The following CSMD3 variants were observed in gnomAD, a reference collection of about 807,000 sequenced individuals.
The protein encoded by CSMD3 is CUB and Sushi multiple domains 3, also known as CUB and sushi domain-containing protein 3.
In CSMD3, 177 loss-of-function variants were observed where a neutral mutation model predicts 435.2. That is an observed-to-expected ratio of 0.41 (90% CI 0.36 to 0.46). The LOEUF is 0.46. CSMD3 is among the 20% of genes least tolerant of loss of function. The probability of loss-of-function intolerance (pLI) is 0.34; values close to 1 mark genes in which losing one functional copy is unlikely to be tolerated. For missense variants in CSMD3, 4,265 were observed against 4,504.6 expected (o/e 0.95, Z 1.52); for synonymous variants, 1,656 against 1,520.5 (o/e 1.09, Z -2.07).
At chr8:113,111,280 T>C (rs1351042350) in intron 4 of CSMD3, among the ~76,000 whole-genome samples, 1 of 152,204 alleles carries the variant, frequency 6.6e-6, no homozygotes, top group African/African-American at 2.4e-5. Context: ...TTTTATAATA[T>C]GTTTACTATG....
At chr8:112,573,782 G>A (rs1829723925) in intron 23 of CSMD3, 125 bp from the exon 24 acceptor site, 1 of 724,512 alleles carries the variant, frequency 1.4e-6, no homozygotes, top group African/African-American at 1.8e-5. Context: ...ATTTCCAAAG[G>A]GCAACTAAAT....
At chr8:112,834,127 T>C (rs1026804601) in intron 11 of CSMD3, among the ~76,000 whole-genome samples, 2 of 151,938 alleles carry the variant, frequency 1.3e-5, no homozygotes, top group Non-Finnish European at 2.9e-5. Flanking sequence ...CATGCATGTA[T>C]GTATGCAACA....
chr8:112,810,927 G>A (rs1265541959), intron 12 of CSMD3, among the ~76,000 whole-genome samples: 3 of 151,950 alleles, frequency 2.0e-5, no homozygotes, highest in African/African-American at 7.2e-5. Flanking sequence ...GAAAGTATAA[G>A]CAATGTAGAT....
chr8:113,042,643 T>G (rs2087672205), intron 5 of CSMD3, among the ~76,000 whole-genome samples: 1 of 152,194 alleles, frequency 6.6e-6, no homozygotes, highest in East Asian at 1.9e-4. Flanking sequence ...CTTTCAAAAT[T>G]AAAACTCTTC....
intron 28 of CSMD3, among the ~76,000 whole-genome samples, chr8:112,508,595 C>T (rs548901926): frequency 2.6e-5 from 4 of 152,262 alleles, no homozygotes; most frequent in South Asian, 2.1e-4. Flanking sequence ...TTCAATCAGG[C>T]TGCCCTTTCC....
chr8:112,521,705 C>T (rs1257235006), intron 27 of CSMD3, among the ~76,000 whole-genome samples: 1 of 151,850 alleles, frequency 6.6e-6, no homozygotes, highest in Non-Finnish European at 1.5e-5. Flanking sequence ...GAGCTCTTAA[C>T]CATTCTCTTC....
At chr8:112,893,091 T>C (rs1279889085) in intron 10 of CSMD3, among the ~76,000 whole-genome samples, 1 of 151,224 alleles carries the variant, frequency 6.6e-6, no homozygotes, top group Non-Finnish European at 1.5e-5. Flanking sequence ...CTACTACTAC[T>C]ACTACAAAAC....
intron 27 of CSMD3, among the ~76,000 whole-genome samples, chr8:112,519,317 C>A (rs1334743951): frequency 6.6e-6 from 1 of 151,996 alleles, no homozygotes; most frequent in Non-Finnish European, 1.5e-5. Context: ...TTGTCTCACT[C>A]GTAATAATAT....
intron 1 of CSMD3, among the ~76,000 whole-genome samples, chr8:113,398,183 C>G (rs11991252): frequency 0.018 from 2,800 of 152,190 alleles, 101 homozygotes; most frequent in African/African-American, 0.062. Context: ...TACTTTTATT[C>G]TTCACATTTG....
At chr8:113,042,567 T>C (rs756989066) in intron 5 of CSMD3, among the ~76,000 whole-genome samples, 1 of 152,340 alleles carries the variant, frequency 6.6e-6, no homozygotes, top group South Asian at 2.1e-4. Flanking sequence ...TTTCTTGATG[T>C]CTCTTCTCAA....
intron 2 of CSMD3, among the ~76,000 whole-genome samples, chr8:113,294,919 A>C (rs1296881643): frequency 1.3e-5 from 2 of 152,146 alleles, no homozygotes; most frequent in Non-Finnish European, 2.9e-5. Flanking sequence ...ATTATGTAAA[A>C]CATCATGTGG....
intron 70 of CSMD3, among the ~76,000 whole-genome samples, chr8:112,227,035 T>C (rs887543894): frequency 2.6e-5 from 4 of 152,158 alleles, no homozygotes; most frequent in Non-Finnish European, 5.9e-5. Flanking sequence ...AAATTAAACA[T>C]AGAATTGCCA....
intron 57 of CSMD3, among the ~76,000 whole-genome samples, chr8:112,288,288 T>A (rs1819416950): frequency 6.6e-6 from 1 of 150,942 alleles, no homozygotes; most frequent in African/African-American, 2.4e-5. Context: ...GGGGTGAGTC[T>A]GTGTGTTCGC....
chr8:112,998,678 T>A (rs1353167769), intron 6 of CSMD3, among the ~76,000 whole-genome samples: 1 of 152,020 alleles, frequency 6.6e-6, no homozygotes, highest in Non-Finnish European at 1.5e-5. Context: ...TAATATGGTT[T>A]GGATTTGTGT....
chr8:113,013,566 T>C (rs1347914316), intron 6 of CSMD3, among the ~76,000 whole-genome samples: 3 of 151,956 alleles, frequency 2.0e-5, no homozygotes, highest in Non-Finnish European at 4.4e-5. Context: ...AGGGAAATAA[T>C]TATAAGGTCA....
chr8:113,063,404 C>T (rs1469221319), intron 5 of CSMD3, among the ~76,000 whole-genome samples: 1 of 151,892 alleles, frequency 6.6e-6, no homozygotes, highest in African/African-American at 2.4e-5. Flanking sequence ...AAAACAGATA[C>T]TACATTTTAT....
intron 22 of CSMD3, among the ~76,000 whole-genome samples, chr8:112,595,194 A>C (rs1225826804): frequency 6.6e-6 from 1 of 151,088 alleles, no homozygotes; most frequent in East Asian, 2.0e-4. Context: ...CTGAAAACCA[A>C]GGCTCGAGAA....
intron 47 of CSMD3, among the ~76,000 whole-genome samples, chr8:112,317,904 C>A (rs1438413841): frequency 1.3e-5 from 2 of 151,956 alleles, no homozygotes; most frequent in Admixed American, 6.6e-5. Flanking sequence ...AGGAATTAAT[C>A]CAAAAAAGCT....
At position 112,494,067 on chromosome 8, in the gene CSMD3, AAT is replaced by A. The variant is rs562840932; in HGVS notation, c.5084-1386_5084-1385del. On this transcript the variant is annotated intron_variant, in intron 30 of 70. Transcript: ENST00000297405. ...AAATATAATTAACTATACCAGTAAGAATATGTTTCTTTCATTCATAAAAGTTT... is the reference window on the plus strand; with the variant it reads ...AAATATAATTAACTATACCAGTAAGAATGTTTCTTTCATTCATAAAAGTTT... 1.3e-3 allele frequency among the ~76,000 whole-genome samples: 192 copies of A among 152,212 alleles called. 1 individual carries two copies. Among genetic ancestry groups the A allele is most frequent in the African/African-American group, 4.6e-3 (190 of 41,560 alleles).
Sources: allele counts gnomAD v4.1 joint callset (sites outside exome capture counted in the v4.1 genomes callset), GRCh38; gene constraint gnomAD v4.1.1; transcripts MANE v1.5; gene names NCBI Gene and HGNC (gene_info 2026-07-23, HGNC 2026-07-21).